Variants in FOXM1 observed in about 807,000 individuals in gnomAD.
FOXM1 encodes the protein forkhead box protein M1.
A neutral mutation model predicts 63.6 loss-of-function variants in FOXM1; 25 were observed. The ratio of observed to expected loss-of-function variants is 0.39; its 90% CI spans 0.29 to 0.55. The LOEUF (loss-of-function observed/expected upper bound fraction) is 0.55, where lower values mean the gene tolerates loss of function less well. Ranked by LOEUF, FOXM1 falls within the 20% of genes least tolerant of loss-of-function variation. FOXM1 has a pLI of 0.60. For missense variants in FOXM1, 879 were observed against 958.7 expected (o/e 0.92, Z 1.10); for synonymous variants, 387 against 376.9 (o/e 1.03, Z -0.31).
Position 2,858,230 on chromosome 12 carries a change from C to T in FOXM1, c.*408G>A, listed in dbSNP as rs1485680609. 6.2e-6 allele frequency: 1 copy of T among 161,772 alleles called. No individual in the cohort carries two copies. The highest frequency in any genetic ancestry group is 1.4e-5 in the Non-Finnish European group (1 of 73,944). The allele number at this position is 161,772 out of a possible 1,614,324, so 10.0% of individuals were successfully genotyped here. ...GTCATCCTACCCACCTTCTGGCAGTCTCTGGATAATGATCTAAGGAAATAA... is the reference window on the plus strand; with the variant it reads ...GTCATCCTACCCACCTTCTGGCAGTTTCTGGATAATGATCTAAGGAAATAA... On this transcript the variant is annotated 3_prime_UTR_variant, in exon 9 of 9. Transcript: ENST00000359843.
Position 2,874,988 on chromosome 12 carries a change from A to AT in FOXM1, c.-47-464dup, listed in dbSNP as rs556937133. The stretch of plus-strand genomic sequence containing the variant: ...AATCCATTCAAGACAAAGGATTTTA[A>AT]TTTTTTTTTTTTTTTTTTTTTTGAG... On this transcript the variant is annotated intron_variant, in intron 1 of 8. Coordinates refer to ENST00000359843, the MANE Select transcript of FOXM1 (RefSeq NM_021953.4). The surrounding 1 kb of genome is among the most constrained non-coding windows in gnomAD (Gnocchi z 4.3). Among the ~76,000 whole-genome samples the AT allele has an allele frequency of 0.16, 20,480 of 127,106 alleles. 1,927 individuals are homozygous for AT. Among genetic ancestry groups the AT allele is most frequent in the East Asian group, 0.28 (1,205 of 4,290 alleles). 83.4% of individuals were successfully genotyped at this position (127,106 alleles called of 152,430 possible). A position where few individuals can be genotyped will look rare whatever the true frequency, so the allele number is the denominator to read the frequency against.
intron 3 of FOXM1, among the ~76,000 whole-genome samples, chr12:2,870,523 C>T (rs1479899528): frequency 2.6e-5 from 4 of 151,446 alleles, no homozygotes; most frequent in South Asian, 2.1e-4. Context: ...ATTAGCCGGG[C>T]GTGGTGGCGG....
rs759192397 is a variant in FOXM1 at position 2,859,128 on chromosome 12, G to T, written c.1802C>A (p.Pro601His). The change falls in exon 9 of 9, where the codon CCC (proline) becomes CAC (histidine). Residue 601 changes from proline (P) to histidine (H), a missense_variant. Pro to His is a moderately conservative substitution (Grantham distance 77, BLOSUM62 -2). Transcript: ENST00000359843. ...GGAGATGGGCAGCGTTTCCTTAATG[G>T]GTGTCTTAAAAGGTCCTCCCACTTC... ...SQEVGGPFKT[P>H]IKETLPISST... The T allele has an allele frequency of 6.2e-7, 1 of 1,606,320 alleles. No homozygotes were observed. Among genetic ancestry groups the T allele is most frequent in the South Asian group, 1.1e-5 (1 of 90,936 alleles).
At chr12:2,861,302 TAAAC>T (rs762125610) in intron 8 of FOXM1, 18 of 730,968 alleles carry the variant, frequency 2.5e-5, no homozygotes, top group African/African-American at 8.9e-5. Flanking sequence ...GACTTACTGA[TAAAC>T]AAAGAAAGAT....
chr12:2,867,528 G>A (rs981616916), intron 4 of FOXM1, among the ~76,000 whole-genome samples: 10 of 152,012 alleles, frequency 6.6e-5, no homozygotes, highest in Admixed American at 5.2e-4. Flanking sequence ...CAGGCGTAGT[G>A]GCGGGCGCCT....
In FOXM1 at chr12:2,864,795, CAAT is replaced by C; in HGVS notation, c.1021-46_1021-44del. ...GGAGAGAAAGAAACCTATGTTAACA[CAAT>C]AAGGTAAAGAGGGGATGGCAAAACC... is the stretch of plus-strand genomic sequence containing the variant. On this transcript the variant is annotated intron_variant, in intron 6 of 8. Coordinates refer to ENST00000359843, the MANE Select transcript of FOXM1 (RefSeq NM_021953.4). This position sits in a 1 kb window ranked among gnomAD's most constrained non-coding sequence, Gnocchi z 5.1. 4 of 1,605,618 alleles carry C rather than the reference CAAT, an allele frequency of 2.5e-6. No homozygotes were observed. Among genetic ancestry groups the C allele is most frequent in the Non-Finnish European group, 3.4e-6 (4 of 1,172,448 alleles).
At position 2,859,129 on chromosome 12, in the gene FOXM1, G is replaced by A. The variant is rs767233350; in HGVS notation, c.1801C>T (p.Pro601Ser). 1 of 1,606,432 alleles carries A rather than the reference G, an allele frequency of 6.2e-7. No individual in the cohort carries two copies. Among genetic ancestry groups the A allele is most frequent in the Non-Finnish European group, 8.5e-7 (1 of 1,177,068 alleles). Residue 601 changes from proline to serine, a missense_variant, in exon 9 of 9, where the codon CCC (proline) becomes TCC (serine). Physicochemically the swap from Pro to Ser is moderately conservative, Grantham distance 74. Transcript: ENST00000359843. ...GAGATGGGCAGCGTTTCCTTAATGG[G>A]TGTCTTAAAAGGTCCTCCCACTTCC... ...SQEVGGPFKT[P>S]IKETLPISST...
At chr12:2,861,497 G>C (rs28990725) in intron 8 of FOXM1, 1 of 431,022 alleles carries the variant, frequency 2.3e-6, no homozygotes, top group Non-Finnish European at 4.0e-6. Flanking sequence ...TAGATTGGCA[G>C]ATATTAAACA....
At position 2,864,283 on chromosome 12, in the gene FOXM1, G is replaced by C; in HGVS notation, c.1266+37C>G. 2 of 1,562,572 alleles carry C rather than the reference G, an allele frequency of 1.3e-6. No homozygotes were observed. Among genetic ancestry groups the C allele is most frequent in the East Asian group, 2.3e-5 (1 of 44,250 alleles). ...GCTGAAGGTCCAACATTCTTAATTG[G>C]CCAGAATCTCTCTTCAGAGGAAAAT... On this transcript the variant is annotated intron_variant, in intron 8 of 8. Transcript: ENST00000359843. The surrounding 1 kb of genome is among the most constrained non-coding windows in gnomAD (Gnocchi z 5.1).
At chr12:2,860,525 G>T (rs2098109277) in intron 8 of FOXM1, among the ~76,000 whole-genome samples, 1 of 152,080 alleles carries the variant, frequency 6.6e-6, no homozygotes, top group African/African-American at 2.4e-5. Flanking sequence ...ATAAACAATA[G>T]AAGTAGAAAA....
chr12:2,873,953 C>A, intron 2 of FOXM1, 24 bp downstream of exon 2: 2 of 1,593,976 alleles, frequency 1.3e-6, no homozygotes, highest in Non-Finnish European at 1.7e-6. Context: ...GCTCCCTCAC[C>A]CCTTTCCCTG....
intron 2 of FOXM1, among the ~76,000 whole-genome samples, chr12:2,873,148 A>C (rs2098136006): frequency 6.6e-6 from 1 of 151,610 alleles, no homozygotes; most frequent in South Asian, 2.1e-4. Flanking sequence ...CTGTAATCCC[A>C]GCACTTTGGG....
chr12:2,874,264 T>C lies in FOXM1; in HGVS notation c.215A>G (p.Asn72Ser), dbSNP rs759553649. 8.1e-6 allele frequency: 13 copies of C among 1,614,062 alleles called. No homozygotes were observed. The highest frequency in any genetic ancestry group is 5.0e-5 in the Admixed American group (3 of 59,988). The change falls in exon 2 of 9, where the codon AAC (asparagine) becomes AGC (serine). Residue 72 changes from asparagine (N) to serine (S), a missense_variant. Asn to Ser is a conservative substitution (Grantham distance 46). Transcript: ENST00000359843. The surrounding 1 kb of genome is among the most constrained non-coding windows in gnomAD (Gnocchi z 4.3). ...GTTGGGGATGGCCACTACTTGCGTGTTGGGCATGGTGGGGTGGTTAATAAT... is the reference window on the plus strand; with the variant it reads ...GTTGGGGATGGCCACTACTTGCGTGCTGGGCATGGTGGGGTGGTTAATAAT... ...IKIINHPTMP[N>S]TQVVAIPNNA... is the part of the protein sequence containing the mutation.
intron 4 of FOXM1, chr12:2,868,253 T>C (rs1056242638): frequency 4.5e-6 from 1 of 221,038 alleles, no homozygotes; most frequent in African/African-American, 2.3e-5. Context: ...GACATTTTCA[T>C]AAAACTACTT....
intron 4 of FOXM1, 48 bp downstream of exon 4, chr12:2,868,515 C>T (rs759440901): frequency 1.6e-5 from 23 of 1,466,972 alleles, no homozygotes; most frequent in Non-Finnish European, 2.0e-5. Context: ...ACTGGAGAGA[C>T]TGTCAGGCTG....
intron 3 of FOXM1, among the ~76,000 whole-genome samples, chr12:2,869,737 A>AT (rs57611486): frequency 0.024 from 3,155 of 130,198 alleles, 91 homozygotes; most frequent in African/African-American, 0.077. Context: ...GCGCCTGGCG[A>AT]TTTTTTTTTT....
Position 2,858,808 on chromosome 12 carries a change from G to A in FOXM1, c.2122C>T (p.Gln708Ter). ...DVPKPGSPEP[Q>*]VSGLAANRSL... ...CGATTGGCTGCAAGGCCAGAAACCT[G>A]TGGCTCCGGGGAGCCTGGCTTGGGG... is the stretch of plus-strand genomic sequence containing the variant. The change falls in exon 9 of 9, where the codon CAG becomes TAG. Residue 708 changes from glutamine to a stop codon, truncating the protein, a stop_gained. Transcript: ENST00000359843. LOFTEE classifies it high-confidence loss of function. The A allele has an allele frequency of 6.2e-7, 1 of 1,614,210 alleles. No individual in the cohort carries two copies. Among genetic ancestry groups the A allele is most frequent in the Non-Finnish European group, 8.5e-7 (1 of 1,180,028 alleles).
At chr12:2,866,671 C>T (rs1014775673) in intron 4 of FOXM1, 150 bp from the exon 5 acceptor site, 9 of 697,850 alleles carry the variant, frequency 1.3e-5, no homozygotes, top group Middle Eastern at 7.2e-4. Context: ...GGCAACTCTC[C>T]TGACACTCCA....
Position 2,864,623 on chromosome 12 carries a change from T to G in FOXM1, c.1090+60A>C. Reference sequence around the variant, plus strand: ...TGGGAACAGAATCCCAGAGTCTGGTTCCCTAAAGATATGGCCCCAGAACAA... The same window carrying G: ...TGGGAACAGAATCCCAGAGTCTGGTGCCCTAAAGATATGGCCCCAGAACAA... On this transcript the variant is annotated intron_variant, in intron 7 of 8. Transcript: ENST00000359843. This position sits in a 1 kb window ranked among gnomAD's most constrained non-coding sequence, Gnocchi z 5.1. 1 of 1,594,690 alleles carries G rather than the reference T, an allele frequency of 6.3e-7. No homozygotes were observed. Among genetic ancestry groups the G allele is most frequent in the Non-Finnish European group, 8.6e-7 (1 of 1,162,598 alleles).
Sources: gnomAD v4.1 joint callset for allele counts (sites outside exome capture counted in the v4.1 genomes callset) on GRCh38, gnomAD v4.1.1 for gene constraint, Gnocchi (gnomAD v3.1) non-coding constraint, MANE v1.5 for transcripts, NCBI Gene and HGNC (gene_info 2026-07-23, HGNC 2026-07-21) for gene names.